OLFML2A: variants seen among roughly 807,000 people sequenced by gnomAD.
The protein encoded by OLFML2A is olfactomedin-like protein 2A.
OLFML2A carries 47 observed loss-of-function variants against 60.9 expected under a neutral mutation model. The observed-to-expected ratio is 0.77, with a 90% CI of 0.61 to 0.98. The LOEUF is 0.98. Ranked by LOEUF, OLFML2A falls within the 50% of genes least tolerant of loss-of-function variation. OLFML2A has a pLI of 0.00. For missense variants in OLFML2A, 922 were observed against 879.8 expected (o/e 1.05, Z -0.61); for synonymous variants, 372 against 375.0 (o/e 0.99, Z 0.09).
Position 124,813,449 on chromosome 9 carries a change from C to G in OLFML2A, c.*3037C>G, listed in dbSNP as rs758678823. On this transcript the variant is annotated 3_prime_UTR_variant, in exon 8 of 8. Coordinates refer to ENST00000373580, the MANE Select transcript of OLFML2A (RefSeq NM_182487.4). Reference sequence around the variant, plus strand: ...GGGAGGTCTGTATCCTGAATGTCCTCATTTTACAGATGAGGACATTGAGGA... The same window carrying G: ...GGGAGGTCTGTATCCTGAATGTCCTGATTTTACAGATGAGGACATTGAGGA... The G allele has an allele frequency of 6.6e-6, 1 of 152,244 alleles. No individual in the cohort carries two copies. The highest frequency in any genetic ancestry group is 1.5e-5 in the Non-Finnish European group (1 of 68,062). The allele number at this position is 152,244 out of a possible 1,614,324, so 9.4% of individuals were successfully genotyped here.
chr9:124,811,438 C>T lies in OLFML2A; in HGVS notation c.*1026C>T, dbSNP rs1431704419. 2 of 152,780 alleles carry T rather than the reference C, an allele frequency of 1.3e-5. No individual in the cohort carries two copies. The highest frequency in any genetic ancestry group is 1.9e-4 in the East Asian group (1 of 5,192). The allele number at this position is 152,780 out of a possible 1,614,324, so 9.5% of individuals were successfully genotyped here. A position where few individuals can be genotyped will look rare whatever the true frequency, so the allele number is the denominator to read the frequency against. On this transcript the variant is annotated 3_prime_UTR_variant, in exon 8 of 8. Transcript: ENST00000373580. ...CCTCCGGGTCTGCCATGAATAAGAC[C>T]CTAGGCCCAAGTCTGGTGTGGTGCC...
intron 3 of OLFML2A, among the ~76,000 whole-genome samples, chr9:124,797,241 A>C (rs994385260): frequency 6.6e-6 from 1 of 152,170 alleles, no homozygotes; most frequent in African/African-American, 2.4e-5. Flanking sequence ...TTGGCCTCCC[A>C]AGGTGCTGGG....
At chr9:124,795,224 C>G in intron 3 of OLFML2A, 93 bp downstream of exon 3, 2 of 674,990 alleles carry the variant, frequency 3.0e-6, no homozygotes, top group East Asian at 5.7e-5. Flanking sequence ...AGGCTTCACC[C>G]TGGTGACCAT....
chr9:124,790,180 T>G (rs1841545430), intron 2 of OLFML2A, among the ~76,000 whole-genome samples: 1 of 152,130 alleles, frequency 6.6e-6, no homozygotes, highest in Non-Finnish European at 1.5e-5. Context: ...AAGATTTTTT[T>G]TTTTTGAGAC....
intron 4 of OLFML2A, 52 bp downstream of exon 4, chr9:124,799,543 C>A (rs779654981): frequency 6.9e-6 from 10 of 1,443,508 alleles, no homozygotes; most frequent in Admixed American, 6.0e-5. Context: ...CTTGGGAGCT[C>A]AGTGTGCCAG....
intron 5 of OLFML2A, 114 bp downstream of exon 5, chr9:124,801,777 C>T: frequency 8.7e-7 from 1 of 1,148,316 alleles, no homozygotes; most frequent in Non-Finnish European, 1.2e-6. Flanking sequence ...CATTGATTAC[C>T]TGTTGGGTGC....
rs894961696 is a variant in OLFML2A, at chr9:124,779,534, T to C, written c.90+2174T>C. Among the ~76,000 whole-genome samples, 1 of 116,182 alleles carries C rather than the reference T, an allele frequency of 8.6e-6. No individual in the cohort carries two copies. Among genetic ancestry groups the C allele is most frequent in the Admixed American group, 9.2e-5 (1 of 10,822 alleles). 76.2% of individuals were successfully genotyped at this position (116,182 alleles called of 152,430 possible). Reference sequence around the variant, plus strand: ...AGTCAGCCAAACACTTGCTAGGTTGTGTGTGTGTGTGGTGGGGGGGGGGTG... The same window carrying C: ...AGTCAGCCAAACACTTGCTAGGTTGCGTGTGTGTGTGGTGGGGGGGGGGTG... On this transcript the variant is annotated intron_variant, in intron 1 of 7. Coordinates refer to ENST00000373580, the MANE Select transcript of OLFML2A (RefSeq NM_182487.4). This position sits in a 1 kb window ranked among gnomAD's most constrained non-coding sequence, Gnocchi z 4.1.
intron 3 of OLFML2A, 114 bp from the exon 4 acceptor site, chr9:124,799,171 C>T (rs1841722264): frequency 5.5e-6 from 4 of 732,286 alleles, no homozygotes; most frequent in Non-Finnish European, 9.6e-6. Flanking sequence ...CGCCCCTAGC[C>T]CGTTCGGGGG....
Position 124,809,988 on chromosome 9 carries a change from C to T in OLFML2A, c.1535C>T (p.Pro512Leu), listed in dbSNP as rs1841973390. The change falls in exon 8 of 8, where the codon CCT (proline) becomes CTT (leucine). Residue 512 changes from proline to leucine, a missense_variant. Transcript: ENST00000373580. ...LPDVVYEDTT[P>L]WKWRGHSDID... ...GACGTGGTATATGAGGACACCACAC[C>T]TTGGAAGTGGCGCGGACACTCGGAC... 1.2e-6 allele frequency: 2 copies of T among 1,614,042 alleles called. No homozygotes were observed. Among genetic ancestry groups the T allele is most frequent in the Non-Finnish European group, 1.7e-6 (2 of 1,180,036 alleles).
chr9:124,784,448 C>G (rs1227362983), intron 1 of OLFML2A, among the ~76,000 whole-genome samples: 2 of 152,088 alleles, frequency 1.3e-5, no homozygotes, highest in Non-Finnish European at 2.9e-5. Flanking sequence ...ATGATCCACC[C>G]GCCTCGGCCT....
intron 1 of OLFML2A, among the ~76,000 whole-genome samples, chr9:124,780,896 G>A (rs1841351231): frequency 1.3e-5 from 2 of 152,220 alleles, no homozygotes; most frequent in Non-Finnish European, 1.5e-5. Flanking sequence ...TAAACAGAGG[G>A]AGCCTGAGTA....
Position 124,807,898 on chromosome 9 carries a change from T to C in OLFML2A, c.1286T>C (p.Ile429Thr). 6.2e-7 allele frequency: 1 copy of C among 1,614,082 alleles called. No individual in the cohort carries two copies. The highest frequency in any genetic ancestry group is 8.5e-7 in the Non-Finnish European group (1 of 1,179,994). ...GACCCTGCAGCTCGAGACGACAGGA[T>C]CTATGTCACCAACTACTACTATGGA... The part of the protein sequence containing the change: ...MKDPAARDDR[I>T]YVTNYYYGNS... Residue 429 changes from isoleucine (I) to threonine (T), a missense_variant, in exon 7 of 8, where the codon ATC (isoleucine) becomes ACC (threonine). Ile to Thr is a moderately conservative substitution (Grantham distance 89, BLOSUM62 -1). Coordinates refer to ENST00000373580, the MANE Select transcript of OLFML2A (RefSeq NM_182487.4).
chr9:124,782,785 T>C (rs557541482), intron 1 of OLFML2A, among the ~76,000 whole-genome samples: 1 of 152,286 alleles, frequency 6.6e-6, no homozygotes, highest in Admixed American at 6.5e-5. Context: ...GGAAGGAATG[T>C]CACGGTCCGA....
chr9:124,807,294 CTT>C (rs56823893), intron 6 of OLFML2A, among the ~76,000 whole-genome samples: 2 of 136,154 alleles, frequency 1.5e-5, no homozygotes, highest in East Asian at 2.2e-4. Context: ...TCTCCATTCT[CTT>C]TTTTTTTTTT....
intron 4 of OLFML2A, chr9:124,800,841 T>G (rs1841759700): frequency 1.4e-6 from 2 of 1,411,392 alleles, no homozygotes; most frequent in Admixed American, 5.4e-5. Context: ...AAATAGGAAG[T>G]GAAAATAACA....
chr9:124,794,973 G>T, intron 2 of OLFML2A, 51 bp from the exon 3 acceptor site: 1 of 1,120,042 alleles, frequency 8.9e-7, no homozygotes. Flanking sequence ...CTCTGTGTCT[G>T]GCCGGCCATG....
intron 7 of OLFML2A, 99 bp downstream of exon 7, chr9:124,808,065 G>T: frequency 1.1e-6 from 1 of 890,190 alleles, no homozygotes; most frequent in Non-Finnish European, 1.8e-6. Flanking sequence ...GGTTTCTATG[G>T]TATAGGCTGG....
rs2131267379 is a variant in OLFML2A at position 124,799,404 on chromosome 9, G to A, written c.582G>A (p.Glu194=). 6.2e-7 allele frequency: 1 copy of A among 1,613,862 alleles called. No individual in the cohort carries two copies. Among genetic ancestry groups the A allele is most frequent in the African/African-American group, 1.3e-5 (1 of 75,060 alleles). The change falls in exon 4 of 8, where the codon GAG becomes GAA. Residue 194 remains glutamate, a synonymous_variant. Transcript: ENST00000373580. ...HSAIMLGIKK[E]LSRLGLQLLQ... ...CCATCATGCTGGGCATCAAGAAGGA[G>A]CTGTCCCGCCTGGGCCTCCAGCTGC...
intron 1 of OLFML2A, chr9:124,778,872 C>A: frequency 1.5e-6 from 1 of 658,002 alleles, no homozygotes; most frequent in Non-Finnish European, 1.9e-6. Flanking sequence ...GAGCCCTGGT[C>A]ACAGAGCGTG....
Sources: allele counts gnomAD v4.1 joint callset (sites outside exome capture counted in the v4.1 genomes callset), GRCh38; gene constraint gnomAD v4.1.1; non-coding constraint Gnocchi (gnomAD v3.1); transcripts MANE v1.5; gene names NCBI Gene and HGNC (gene_info 2026-07-23, HGNC 2026-07-21).